The following CNTLN variants were observed in gnomAD, a reference collection of about 807,000 sequenced individuals.
CNTLN encodes centlein.
In CNTLN, 212 loss-of-function variants were observed where a neutral mutation model predicts 180.0. The observed-to-expected ratio is 1.18, with a 90% CI of 1.05 to 1.32. The LOEUF (loss-of-function observed/expected upper bound fraction) is 1.32. Ranked by LOEUF, CNTLN falls within the 40% of genes most tolerant of loss-of-function variation. The pLI is 0.00. For missense variants in CNTLN, 2,095 were observed against 1,610.9 expected (o/e 1.30, Z -5.14); for synonymous variants, 722 against 563.1 (o/e 1.28, Z -3.99).
intron 2 of CNTLN, among the ~76,000 whole-genome samples, chr9:17,150,416 C>A (rs561078162): frequency 7.2e-5 from 11 of 152,248 alleles, no homozygotes; most frequent in Non-Finnish European, 1.3e-4. Flanking sequence ...GAATCTTTTC[C>A]CCATTGCTTG....
intron 8 of CNTLN, 35 bp from the exon 9 acceptor site, chr9:17,330,597 T>G: frequency 7.9e-6 from 9 of 1,141,946 alleles, no homozygotes; most frequent in Non-Finnish European, 1.1e-5. Flanking sequence ...GATACAAACA[T>G]AGATATCTAT....
chr9:17,299,698 C>T, intron 7 of CNTLN: 1 of 985,154 alleles, frequency 1.0e-6, no homozygotes, highest in Non-Finnish European at 1.2e-6. Context: ...TTTTTTGTTT[C>T]TAAAGCACGT....
At chr9:17,526,814 A>T in the CNTLN span, among the ~76,000 whole-genome samples, 3 of 152,244 alleles carry the variant, frequency 2.0e-5, no homozygotes, top group Admixed American at 6.5e-5. Context: ...TTTAACAAAA[A>T]TGCTTACAAT....
intron 16 of CNTLN, among the ~76,000 whole-genome samples, chr9:17,412,438 C>T (rs952141424): frequency 3.3e-5 from 5 of 152,152 alleles, no homozygotes; most frequent in African/African-American, 1.2e-4. Flanking sequence ...TACAGACAGT[C>T]CCCAACTCAC....
chr9:17,278,582 TA>T (rs1276999325), intron 6 of CNTLN, among the ~76,000 whole-genome samples: 4 of 152,152 alleles, frequency 2.6e-5, no homozygotes, highest in African/African-American at 9.6e-5. Context: ...TTCCTTCCCA[TA>T]TAATTTTCAA....
chr9:17,236,988 A>T lies in CNTLN; in HGVS notation c.849+400A>T, dbSNP rs577960402. Among the ~76,000 whole-genome samples the T allele has an allele frequency of 4.6e-5, 7 of 152,296 alleles. No homozygotes were observed. In the East Asian group the frequency reaches 1.3e-3, roughly 29 times the overall value. ...ATATAAAGTGTAAAAAATACTAAAC[A>T]GTTAAACAATACAAATACGTGGTTC... On this transcript the variant is annotated intron_variant, in intron 5 of 25. Coordinates refer to ENST00000380647, the MANE Select transcript of CNTLN (RefSeq NM_017738.4).
chr9:17,518,363 AC>A, the CNTLN span, among the ~76,000 whole-genome samples: 2 of 151,856 alleles, frequency 1.3e-5, no homozygotes, highest in East Asian at 1.9e-4. Flanking sequence ...AAGTTTTAAT[AC>A]CACAGATATG....
chr9:17,444,954 A>G (rs966377684), intron 18 of CNTLN, among the ~76,000 whole-genome samples: 5 of 152,152 alleles, frequency 3.3e-5, no homozygotes, highest in African/African-American at 4.8e-5. Context: ...TTTTTTCTAT[A>G]TAAAGGAAAT....
chr9:17,253,481 C>G (rs1033602808), intron 5 of CNTLN, among the ~76,000 whole-genome samples: 1 of 151,442 alleles, frequency 6.6e-6, no homozygotes, highest in Non-Finnish European at 1.5e-5. Context: ...TCTTAACCCT[C>G]CTTGGTTAAA....
chr9:17,493,545 TTGCACC>T (rs1833284618), intron 25 of CNTLN, among the ~76,000 whole-genome samples: 1 of 152,160 alleles, frequency 6.6e-6, no homozygotes, highest in Admixed American at 6.5e-5. Flanking sequence ...ACTCCTATTC[TTGCACC>T]TTGAAAAGCC....
chr9:17,267,528 C>G (rs1212508939), intron 5 of CNTLN, among the ~76,000 whole-genome samples: 3 of 151,902 alleles, frequency 2.0e-5, no homozygotes, highest in Non-Finnish European at 4.4e-5. Flanking sequence ...TGGAGTTGCT[C>G]TTCTCGAGGA....
At chr9:17,414,840 A>G (rs1463562741) in intron 16 of CNTLN, among the ~76,000 whole-genome samples, 1 of 152,202 alleles carries the variant, frequency 6.6e-6, no homozygotes, top group Non-Finnish European at 1.5e-5. Flanking sequence ...CCATAATCCC[A>G]ACACTTTTGG....
intron 19 of CNTLN, 126 bp from the exon 20 acceptor site, chr9:17,462,789 AT>A (rs959067325): frequency 7.3e-6 from 3 of 413,564 alleles, no homozygotes; most frequent in Admixed American, 4.4e-5. Context: ...ATATTAAAAT[AT>A]TCATTTTAAT....
At chr9:17,190,675 A>G (rs1281851654) in intron 2 of CNTLN, among the ~76,000 whole-genome samples, 1 of 152,180 alleles carries the variant, frequency 6.6e-6, no homozygotes, top group African/African-American at 2.4e-5. Context: ...ACTTGAAGGT[A>G]TGTGACTTAT....
chr9:17,466,525 A>T (rs879618207), intron 22 of CNTLN, among the ~76,000 whole-genome samples, 181 bp from the exon 23 acceptor site: 1 of 151,572 alleles, frequency 6.6e-6, no homozygotes, highest in Admixed American at 6.6e-5. Context: ...GATGATAAGT[A>T]TATGAGAATA....
chr9:17,480,372 C>A (rs1027681814), intron 23 of CNTLN, among the ~76,000 whole-genome samples: 11 of 139,516 alleles, frequency 7.9e-5, no homozygotes, highest in African/African-American at 2.3e-4. Context: ...AAAAAAAAAA[C>A]ACATTAGGAA....
chr9:17,192,943 C>T (rs1821884952), intron 2 of CNTLN, among the ~76,000 whole-genome samples: 1 of 151,914 alleles, frequency 6.6e-6, no homozygotes. Flanking sequence ...GGGGAGGCCT[C>T]AGAATCATGG....
chr9:17,404,558 A>T (rs1360471651), intron 15 of CNTLN, among the ~76,000 whole-genome samples: 1 of 151,676 alleles, frequency 6.6e-6, no homozygotes, highest in South Asian at 2.1e-4. Flanking sequence ...AATTATCCCA[A>T]TTATTGAGGT....
chr9:17,189,939 C>G (rs980614763), intron 2 of CNTLN, among the ~76,000 whole-genome samples: 2 of 151,914 alleles, frequency 1.3e-5, no homozygotes, highest in African/African-American at 4.8e-5. Context: ...GACTCCTTTC[C>G]TTTGTCTGGA....
Sources: allele counts gnomAD v4.1 joint callset (sites outside exome capture counted in the v4.1 genomes callset), GRCh38; gene constraint gnomAD v4.1.1; transcripts MANE v1.5; gene names NCBI Gene and HGNC (gene_info 2026-07-23, HGNC 2026-07-21).